Variants in CPO observed in about 807,000 individuals in gnomAD.
The protein encoded by CPO is metallocarboxypeptidase C.
In CPO, 43 loss-of-function variants were observed where a neutral mutation model predicts 41.2. That is an observed-to-expected ratio of 1.04 (90% CI 0.82 to 1.35). The LOEUF is 1.35. Ranked by LOEUF, CPO falls within the 40% of genes most tolerant of loss-of-function variation. CPO has a pLI of 0.00. For missense variants in CPO, 408 were observed against 451.7 expected (o/e 0.90, Z 0.88); for synonymous variants, 178 against 162.7 (o/e 1.09, Z -0.72).
At chr2:206,957,096 T>C (rs1693382090) in intron 3 of CPO, among the ~76,000 whole-genome samples, 1 of 152,090 alleles carries the variant, frequency 6.6e-6, no homozygotes, top group Non-Finnish European at 1.5e-5. Context: ...AGGAGGACAT[T>C]GGCGGGTGCG....
chr2:206,956,226 A>T (rs1453167), intron 3 of CPO, among the ~76,000 whole-genome samples: 3 of 151,946 alleles, frequency 2.0e-5, no homozygotes, highest in Non-Finnish European at 4.4e-5. Context: ...TAAAATCACC[A>T]GAGAGCTGCC....
chr2:206,946,805 T>C (rs560377553), intron 1 of CPO, among the ~76,000 whole-genome samples: 140 of 152,298 alleles, frequency 9.2e-4, no homozygotes, highest in African/African-American at 3.3e-3. Flanking sequence ...TGATTTCCTA[T>C]GTAACATCAA....
Position 206,960,915 on chromosome 2 carries a change from A to G in CPO, c.547A>G (p.Asn183Asp), listed in dbSNP as rs372312743. The stretch of plus-strand genomic sequence containing the variant: ...TGGCACATGTTTTGGGACGGATCTC[A>G]ATCGAAATTTCAATGCATCTTGGTG... ...NNGTCFGTDL[N>D]RNFNASWCSI... Residue 183 changes from asparagine to aspartate, a missense_variant, in exon 6 of 9, where the codon AAT becomes GAT. Coordinates refer to ENST00000272852, the MANE Select transcript of CPO (RefSeq NM_173077.3). 2.5e-6 allele frequency: 4 copies of G among 1,613,082 alleles called. No homozygotes were observed. Among genetic ancestry groups the G allele is most frequent in the Admixed American group, 3.3e-5 (2 of 60,024 alleles).
intron 7 of CPO, among the ~76,000 whole-genome samples, chr2:206,966,797 A>T (rs1693583429): frequency 6.6e-6 from 1 of 152,176 alleles, no homozygotes; most frequent in African/African-American, 2.4e-5. Flanking sequence ...TCAGACACAG[A>T]AAGCCCCAAG....
At chr2:206,945,858 C>A (rs1033898418) in intron 1 of CPO, among the ~76,000 whole-genome samples, 5 of 152,074 alleles carry the variant, frequency 3.3e-5, no homozygotes, top group South Asian at 4.1e-4. Flanking sequence ...ATTGCTTGAA[C>A]CTGGGAGGCG....
At chr2:206,942,003 A>G (rs1259479849) in intron 1 of CPO, among the ~76,000 whole-genome samples, 1 of 152,132 alleles carries the variant, frequency 6.6e-6, no homozygotes, top group East Asian at 1.9e-4. Flanking sequence ...AAATAAGAAC[A>G]AAGATTTACA....
rs371944601 is a variant in CPO, at chr2:206,944,239, G to C, written c.68+4572G>C. Among the ~76,000 whole-genome samples, 12 of 152,006 alleles carry C rather than the reference G, an allele frequency of 7.9e-5. No individual in the cohort carries two copies. The South Asian group carries it at 2.5e-3, about 32-fold the overall frequency. On this transcript the variant is annotated intron_variant, in intron 1 of 8. Transcript: ENST00000272852. ...TTGTTAGTATAAAATATACATATTT[G>C]CTGATTACTTTATAAAGACACGAAA...
rs1411712509 is a variant in CPO, at chr2:206,968,457, A to G, written c.862+110A>G. On this transcript the variant is annotated intron_variant, in intron 8 of 8. Coordinates refer to ENST00000272852, the MANE Select transcript of CPO (RefSeq NM_173077.3). ...GAACAGAAGAGTTCCTGGGATCAAC[A>G]GGGAGTTGTACAAATCAAAATGACC... is the stretch of plus-strand genomic sequence containing the variant. 8.6e-6 allele frequency: 6 copies of G among 698,012 alleles called. No homozygotes were observed. In the East Asian group the frequency reaches 1.6e-4, roughly 19 times the overall value. The allele number at this position is 698,012 out of a possible 1,614,324, so 43.2% of individuals were successfully genotyped here. A position where few individuals can be genotyped will look rare whatever the true frequency, so the allele number is the denominator to read the frequency against.
rs148237306 is a variant in CPO, at chr2:206,954,339, A to C, written c.166-1124A>C. Among the ~76,000 whole-genome samples, 1,196 of 152,144 alleles carry C rather than the reference A, an allele frequency of 7.9e-3. 11 individuals are homozygous for C. Among genetic ancestry groups the C allele is most frequent in the Non-Finnish European group, 0.014 (941 of 68,016 alleles). The stretch of plus-strand genomic sequence containing the variant: ...CCAGATACCCTAAATTATCTCTCTC[A>C]AGTTCAAAGTTCCACAGATCTCTAG... On this transcript the variant is annotated intron_variant, in intron 2 of 8. Transcript: ENST00000272852.
rs1693410472 is a variant in CPO, at chr2:206,958,317, G to T, written c.284G>T (p.Gly95Val). 1.9e-6 allele frequency: 3 copies of T among 1,589,598 alleles called. No homozygotes were observed. The highest frequency in any genetic ancestry group is 2.6e-6 in the Non-Finnish European group (3 of 1,167,220). ...CTTCTCCAGATCAGCCAACCATCTG[G>T]TAATCCCAAGAAAATCATTTGGATG... is the stretch of plus-strand genomic sequence containing the variant. ...MYYLKISQPS[G>V]NPKKIIWMDC... The change falls in exon 4 of 9, where the codon GGT becomes GTT. Residue 95 changes from glycine to valine, a missense_variant. Transcript: ENST00000272852.
intron 1 of CPO, among the ~76,000 whole-genome samples, chr2:206,945,435 T>C (rs1348740717): frequency 1.3e-5 from 2 of 150,344 alleles, no homozygotes; most frequent in African/African-American, 2.4e-5. Context: ...TAACCCCATT[T>C]CTTGCTTACA....
At position 206,949,584 on chromosome 2, in the gene CPO, A is replaced by C; in HGVS notation, c.69-33A>C. ...ACCCTCAGGATATCCCAGTTTCACC[A>C]CTGCTTTTCCTCTTACTTTCTTCCC... On this transcript the variant is annotated intron_variant, in intron 1 of 8. Coordinates refer to ENST00000272852, the MANE Select transcript of CPO (RefSeq NM_173077.3). 1.3e-6 allele frequency: 2 copies of C among 1,524,570 alleles called. 1 individual carries two copies. The highest frequency in any genetic ancestry group is 2.2e-5 in the South Asian group (2 of 89,036). The allele number at this position is 1,524,570 out of a possible 1,614,324, so 94.4% of individuals were successfully genotyped here. A position where few individuals can be genotyped will look rare whatever the true frequency, so the allele number is the denominator to read the frequency against.
At position 206,939,563 on chromosome 2, in the gene CPO, G is replaced by A. The variant is rs913462920; in HGVS notation, c.-37G>A. On this transcript the variant is annotated 5_prime_UTR_variant, in exon 1 of 9. Coordinates refer to ENST00000272852, the MANE Select transcript of CPO (RefSeq NM_173077.3). ...CTCAAGGACACTTGATCCACTGCCA[G>A]AGAGGCCCAGAATTTTCTAACTTAC... The A allele has an allele frequency of 6.3e-7, 1 of 1,576,340 alleles. No individual in the cohort carries two copies. The highest frequency in any genetic ancestry group is 2.2e-5 in the East Asian group (1 of 44,538).
chr2:206,947,099 G>C (rs1228981230), intron 1 of CPO, among the ~76,000 whole-genome samples: 2 of 152,100 alleles, frequency 1.3e-5, no homozygotes, highest in East Asian at 3.9e-4. Flanking sequence ...AAAAGTGAAA[G>C]ACCGAAAATA....
chr2:206,952,298 A>T (rs1027827910), intron 2 of CPO, among the ~76,000 whole-genome samples: 1 of 151,994 alleles, frequency 6.6e-6, no homozygotes, highest in African/African-American at 2.4e-5. Flanking sequence ...TATTTTTAGT[A>T]CAGACAGGGT....
At chr2:206,954,465 C>T (rs1196280244) in intron 2 of CPO, among the ~76,000 whole-genome samples, 1 of 152,144 alleles carries the variant, frequency 6.6e-6, no homozygotes, top group East Asian at 1.9e-4. Flanking sequence ...ACCAGCTTAG[C>T]CTGGACTTTA....
intron 3 of CPO, among the ~76,000 whole-genome samples, chr2:206,957,766 GA>G (rs965967711): frequency 6.6e-6 from 1 of 152,174 alleles, no homozygotes; most frequent in Non-Finnish European, 1.5e-5. Flanking sequence ...TGGGGAGAAG[GA>G]AAGAAGATTG....
chr2:206,952,796 G>A (rs528604156), intron 2 of CPO, among the ~76,000 whole-genome samples: 31 of 152,222 alleles, frequency 2.0e-4, no homozygotes, highest in South Asian at 1.2e-3. Flanking sequence ...GGACATACCC[G>A]AGACTGGGTA....
Position 206,946,862 on chromosome 2 carries a change from G to A in CPO, c.69-2755G>A, listed in dbSNP as rs370248376. 2.0e-5 allele frequency among the ~76,000 whole-genome samples: 3 copies of A among 151,982 alleles called. No individual in the cohort carries two copies. In the South Asian group the frequency reaches 6.2e-4, roughly 32 times the overall value. On this transcript the variant is annotated intron_variant, in intron 1 of 8. Transcript: ENST00000272852. ...TAAAAACAAGTTACCATTTACATTA[G>A]CACCCCTCAAAATAAAATACTTAGG... is the stretch of plus-strand genomic sequence containing the variant.
Sources: allele counts gnomAD v4.1 joint callset (sites outside exome capture counted in the v4.1 genomes callset), GRCh38; gene constraint gnomAD v4.1.1; transcripts MANE v1.5; gene names NCBI Gene and HGNC (gene_info 2026-07-23, HGNC 2026-07-21).